The following CXXC5 variants were observed in gnomAD, a reference collection of about 807,000 sequenced individuals.
The protein encoded by CXXC5 is CXXC-type zinc finger protein 5.
In CXXC5, 2 loss-of-function variants were observed where a neutral mutation model predicts 17.6. That is an observed-to-expected ratio of 0.11 (90% CI 0.05 to 0.36). CXXC5 has a LOEUF of 0.36. Ranked by LOEUF, CXXC5 falls within the 10% of genes least tolerant of loss-of-function variation. The pLI is 1.00. For missense variants in CXXC5, 343 were observed against 458.3 expected, an observed-to-expected ratio of 0.75 and a Z score of 2.30; for synonymous variants, 171 against 193.0, an observed-to-expected ratio of 0.89 and a Z score of 0.94.
intron 1 of CXXC5, among the ~76,000 whole-genome samples, chr5:139,671,523 C>A (rs570620741): frequency 6.6e-6 from 1 of 152,336 alleles, no homozygotes; most frequent in Non-Finnish European, 1.5e-5. Context: ...CGGGTTGGGG[C>A]AGGCACAAAG....
At chr5:139,667,458 G>T (rs1279347354) in intron 1 of CXXC5, among the ~76,000 whole-genome samples, 1 of 152,170 alleles carries the variant, frequency 6.6e-6, no homozygotes, top group Non-Finnish European at 1.5e-5. Flanking sequence ...GGGGGCATAG[G>T]GCTCTTGTGC....
intron 1 of CXXC5, among the ~76,000 whole-genome samples, chr5:139,657,738 C>G (rs1328573578): frequency 1.3e-5 from 2 of 152,154 alleles, no homozygotes; most frequent in Non-Finnish European, 2.9e-5. Flanking sequence ...GGCTGGCTGC[C>G]GGCTGGCCTG....
chr5:139,650,478 G>A (rs1214384383), intron 1 of CXXC5, among the ~76,000 whole-genome samples: 1 of 152,216 alleles, frequency 6.6e-6, no homozygotes, highest in East Asian at 1.9e-4. Context: ...GCCCCCGCCG[G>A]AGCCGCCCCA....
chr5:139,675,833 G>A (rs1230248175), intron 1 of CXXC5, among the ~76,000 whole-genome samples: 1 of 152,178 alleles, frequency 6.6e-6, no homozygotes, highest in African/African-American at 2.4e-5. Flanking sequence ...CTGGGACACA[G>A]TAGATACTCA....
Position 139,658,365 on chromosome 5 carries a change from A to G in CXXC5, c.-161+9520A>G, listed in dbSNP as rs1755604539. Among the ~76,000 whole-genome samples the G allele has an allele frequency of 6.6e-6, 1 of 152,220 alleles. No individual in the cohort carries two copies. The highest frequency in any genetic ancestry group is 2.1e-4 in the South Asian group (1 of 4,836). ...CTGCTAGAAGGAAGTGTAAATGGTCATGTTTCAGTCTCCTTGTTTGATGCT... is the reference window on the plus strand; with the variant it reads ...CTGCTAGAAGGAAGTGTAAATGGTCGTGTTTCAGTCTCCTTGTTTGATGCT... On this transcript the variant is annotated intron_variant, in intron 1 of 2. Transcript: ENST00000302517. This position sits in a 1 kb window ranked among gnomAD's most constrained non-coding sequence, Gnocchi z 4.1.
rs890614930 is a variant in CXXC5, at chr5:139,648,710, C to T, written c.-296C>T. ...CGGCGGCGCGACTCGGGCTCCGGAC[C>T]CGGGCACTGCTGGCGGCTGGAGCGG... On this transcript the variant is annotated 5_prime_UTR_variant, in exon 1 of 3. Coordinates refer to ENST00000302517, the MANE Select transcript of CXXC5 (RefSeq NM_016463.9). The T allele has an allele frequency of 3.3e-5, 5 of 151,818 alleles. No homozygotes were observed. Among genetic ancestry groups the T allele is most frequent in the African/African-American group, 4.8e-5 (2 of 41,370 alleles). The allele number at this position is 151,818 out of a possible 1,614,324, so 9.4% of individuals were successfully genotyped here.
At position 139,682,943 on chromosome 5, in the gene CXXC5, T is replaced by C. The variant is rs758954445; in HGVS notation, c.*36T>C. ...ACCCAAAGCTGCCCTCTCCGTGCAA[T>C]GTCACTGCTCGTGTGGTCTCCAGCA... is the stretch of plus-strand genomic sequence containing the variant. On this transcript the variant is annotated 3_prime_UTR_variant, in exon 3 of 3. Transcript: ENST00000302517. 9.6e-6 allele frequency: 15 copies of C among 1,558,158 alleles called. No homozygotes were observed. The highest frequency in any genetic ancestry group is 1.2e-5 in the Non-Finnish European group (14 of 1,145,686).
At chr5:139,659,281 A>T (rs1293236315) in intron 1 of CXXC5, among the ~76,000 whole-genome samples, 1 of 152,112 alleles carries the variant, frequency 6.6e-6, no homozygotes. Flanking sequence ...GGAGCCGGCC[A>T]GTGAGGCGCG....
At chr5:139,665,732 C>G (rs1195479954) in intron 1 of CXXC5, 2 of 152,310 alleles carry the variant, frequency 1.3e-5, no homozygotes, top group Non-Finnish European at 2.9e-5. Flanking sequence ...TGCTGACCCA[C>G]TGGAGACGTG....
intron 1 of CXXC5, among the ~76,000 whole-genome samples, chr5:139,654,768 A>C (rs1239810225): frequency 6.6e-6 from 1 of 152,196 alleles, no homozygotes; most frequent in Non-Finnish European, 1.5e-5. Flanking sequence ...GTATGTTTTC[A>C]AGGTGTTACT....
chr5:139,680,654 C>T lies in CXXC5; in HGVS notation c.131C>T (p.Ala44Val). The change falls in exon 2 of 3, where the codon GCC becomes GTC. Residue 44 changes from alanine (A) to valine (V), a missense_variant. Physicochemically the swap from Ala to Val is moderately conservative, Grantham distance 64. Around this residue, in one of 4 missense-constraint regions of CXXC5, gnomAD observed 297 missense variants for 363.4 expected, o/e 0.82. Coordinates refer to ENST00000302517, the MANE Select transcript of CXXC5 (RefSeq NM_016463.9). ...GACAAGAGTGCAGTGGTGGCTGCCG[C>T]CGCACCAGCCTCAGTGGCAGATGAC... is the stretch of plus-strand genomic sequence containing the variant. ...AADKSAVVAA[A>V]APASVADDTP... The T allele has an allele frequency of 6.2e-7, 1 of 1,612,684 alleles. No individual in the cohort carries two copies. Among genetic ancestry groups the T allele is most frequent in the South Asian group, 1.1e-5 (1 of 91,084 alleles).
intron 1 of CXXC5, among the ~76,000 whole-genome samples, chr5:139,653,775 T>A (rs1053672106): frequency 3.3e-5 from 5 of 151,942 alleles, no homozygotes; most frequent in Admixed American, 2.6e-4. Context: ...TGCCGCCTAA[T>A]CCCCCGCCAG....
At chr5:139,682,834 T>C (rs746454469) in intron 2 of CXXC5, 29 bp from the exon 3 acceptor site, 2 of 1,582,598 alleles carry the variant, frequency 1.3e-6, no homozygotes, top group South Asian at 1.1e-5. Flanking sequence ...CTGAACTCTC[T>C]CCTTGTTTTT....
upstream of CXXC5, chr5:139,647,998 C>T (rs900653537): frequency 2.2e-4 from 34 of 151,948 alleles, no homozygotes; most frequent in African/African-American, 7.3e-4. Context: ...AGCAGATTTC[C>T]CCGGAGGTGC....
At chr5:139,652,559 A>C (rs894224921) in intron 1 of CXXC5, among the ~76,000 whole-genome samples, 2 of 151,972 alleles carry the variant, frequency 1.3e-5, no homozygotes, top group Non-Finnish European at 2.9e-5. Flanking sequence ...TGTGCTTATG[A>C]CTCAGGACAT....
chr5:139,665,347 C>A (rs574960462), intron 1 of CXXC5, among the ~76,000 whole-genome samples: 1 of 152,180 alleles, frequency 6.6e-6, no homozygotes, highest in Non-Finnish European at 1.5e-5. Flanking sequence ...TTAGGGGCAC[C>A]GGGGTGGGGG....
chr5:139,650,400 T>TC (rs141645544), intron 1 of CXXC5, among the ~76,000 whole-genome samples: 1 of 151,816 alleles, frequency 6.6e-6, no homozygotes, highest in Non-Finnish European at 1.5e-5. Context: ...GTGGGCCCTG[T>TC]CCCCCCCACC....
chr5:139,662,569 C>G (rs909478215), intron 1 of CXXC5, among the ~76,000 whole-genome samples: 2 of 152,192 alleles, frequency 1.3e-5, no homozygotes, highest in East Asian at 3.9e-4. Context: ...ACTGAGACAG[C>G]CTAGCAGTGG....
At position 139,677,795 on chromosome 5, in the gene CXXC5, C is replaced by A. The variant is rs184808899; in HGVS notation, c.-160-2569C>A. On this transcript the variant is annotated intron_variant, in intron 1 of 2. Transcript: ENST00000302517. ...AACAGAACATGAGGTTTGGTCCCCA[C>A]CAGGAGAGACTCAGGACGGAGACAA... 4.3e-3 allele frequency among the ~76,000 whole-genome samples: 648 copies of A among 152,348 alleles called. 2 individuals are homozygous for A. Among genetic ancestry groups the A allele is most frequent in the Non-Finnish European group, 6.4e-3 (437 of 68,042 alleles).
Sources: gnomAD v4.1 joint callset for allele counts (sites outside exome capture counted in the v4.1 genomes callset) on GRCh38, gnomAD v4.1.1 for gene constraint, gnomAD v4.1.1 regional missense constraint, Gnocchi (gnomAD v3.1) non-coding constraint, MANE v1.5 for transcripts, NCBI Gene and HGNC (gene_info 2026-07-23, HGNC 2026-07-21) for gene names.